Variants in RBFOX1 observed in about 807,000 individuals in gnomAD.
The protein encoded by RBFOX1 is RNA binding protein fox-1 homolog 1.
Under a neutral mutation model 57.7 loss-of-function variants are expected in RBFOX1, and 8 were observed. The ratio of observed to expected loss-of-function variants is 0.14; its 90% CI spans 0.08 to 0.25. The LOEUF is 0.25. Ranked by LOEUF, RBFOX1 falls within the 10% of genes least tolerant of loss-of-function variation. The pLI, the probability that RBFOX1 is intolerant of heterozygous loss-of-function variation, is 1.00. For synonymous variants in RBFOX1, 326 were observed against 222.4 expected (o/e 1.47, Z -4.15); for missense variants, 611 against 548.5 (o/e 1.11, Z -1.14).
In RBFOX1 at chr16:6,780,687, T is replaced by G. The variant is rs2080865971; in HGVS notation, c.-16+126037T>G. 2.0e-5 allele frequency among the ~76,000 whole-genome samples: 3 copies of G among 150,324 alleles called. No homozygotes were observed. The South Asian group carries it at 6.3e-4, about 31-fold the overall frequency. ...TATTGCCTGTTTTTTCAGAGAGCTA[T>G]TTTAACTGGGGTGAGATATTTCATT... On this transcript the variant is annotated intron_variant, in intron 3 of 15. Transcript: ENST00000550418.
At chr16:6,782,147 C>T (rs935689291) in intron 3 of RBFOX1, among the ~76,000 whole-genome samples, 2 of 152,128 alleles carry the variant, frequency 1.3e-5, no homozygotes, top group African/African-American at 2.4e-5. Flanking sequence ...GCTGGGACTA[C>T]GGGCATGCAC....
At chr16:7,299,447 A>C (rs1290424858) in intron 4 of RBFOX1, among the ~76,000 whole-genome samples, 2 of 152,094 alleles carry the variant, frequency 1.3e-5, no homozygotes, top group Non-Finnish European at 2.9e-5. Flanking sequence ...AAGCTAGAGG[A>C]GTTTGAGGGT....
At chr16:7,250,022 C>T (rs558436948) in intron 4 of RBFOX1, among the ~76,000 whole-genome samples, 1 of 152,112 alleles carries the variant, frequency 6.6e-6, no homozygotes, top group Admixed American at 6.5e-5. Context: ...AAAAATAGAA[C>T]CTATTTGTTT....
At chr16:5,349,319 T>C (rs1387443126) in intron 1 of RBFOX1, among the ~76,000 whole-genome samples, 1 of 152,206 alleles carries the variant, frequency 6.6e-6, no homozygotes, top group Non-Finnish European at 1.5e-5. Context: ...TTATGCAAGA[T>C]GCATATGTTG....
chr16:6,747,708 AATATGTCTTCTGGGCACC>A (rs2074043352), intron 3 of RBFOX1, among the ~76,000 whole-genome samples: 1 of 152,122 alleles, frequency 6.6e-6, no homozygotes. Flanking sequence ...CAAAAGCAGA[AATATGTCTTCTGGGCACC>A]ATCCGCTTCA....
chr16:5,919,885 T>G (rs1228672787), intron 4 of RBFOX1, among the ~76,000 whole-genome samples: 2 of 152,048 alleles, frequency 1.3e-5, no homozygotes, highest in African/African-American at 4.8e-5. Flanking sequence ...TCTCTCTGCC[T>G]TTTTTTTCAC....
chr16:7,629,298 C>T (rs919773445), intron 10 of RBFOX1, among the ~76,000 whole-genome samples: 9 of 152,146 alleles, frequency 5.9e-5, no homozygotes, highest in African/African-American at 1.4e-4. Context: ...GGACCCCACA[C>T]GCTTTGGAAG....
chr16:6,566,690 G>T (rs745488542), intron 2 of RBFOX1, among the ~76,000 whole-genome samples: 9 of 152,110 alleles, frequency 5.9e-5, no homozygotes, highest in African/African-American at 1.7e-4. Context: ...GGCTAAATCA[G>T]TATTCCATCC....
intron 4 of RBFOX1, among the ~76,000 whole-genome samples, chr16:5,896,023 T>A (rs1170324575): frequency 6.6e-6 from 1 of 152,104 alleles, no homozygotes; most frequent in Non-Finnish European, 1.5e-5. Context: ...TGTCTTACGT[T>A]GGGTACTTCA....
chr16:7,511,906 C>T (rs1417771226), intron 4 of RBFOX1, among the ~76,000 whole-genome samples: 2 of 152,148 alleles, frequency 1.3e-5, no homozygotes, highest in Non-Finnish European at 2.9e-5. Flanking sequence ...TTTCATCCTC[C>T]TTTTGTGTAT....
chr16:7,706,852 G>C (rs113013608), intron 14 of RBFOX1, among the ~76,000 whole-genome samples: 6 of 152,284 alleles, frequency 3.9e-5, no homozygotes, highest in African/African-American at 1.4e-4. Context: ...TGTACTTCTA[G>C]TTAAGTGGGT....
intron 4 of RBFOX1, among the ~76,000 whole-genome samples, chr16:7,499,933 C>T (rs987558007): frequency 1.3e-5 from 2 of 152,044 alleles, no homozygotes; most frequent in African/African-American, 4.8e-5. Flanking sequence ...TGCTTCTTCC[C>T]TCTGATTTAC....
chr16:7,665,105 T>C (rs2068839155), intron 13 of RBFOX1, 137 bp downstream of exon 13: 4 of 1,557,624 alleles, frequency 2.6e-6, no homozygotes, highest in Non-Finnish European at 3.5e-6. Flanking sequence ...GTGGTTTGTC[T>C]TGCAGGACAG....
intron 2 of RBFOX1, among the ~76,000 whole-genome samples, chr16:6,348,890 C>T (rs1002319333): frequency 6.6e-6 from 1 of 152,106 alleles, no homozygotes; most frequent in Non-Finnish European, 1.5e-5. Flanking sequence ...GATGGCAACC[C>T]AGGAAAAGCA....
At chr16:7,088,800 T>C (rs2060370777) in intron 4 of RBFOX1, among the ~76,000 whole-genome samples, 1 of 152,180 alleles carries the variant, frequency 6.6e-6, no homozygotes, top group South Asian at 2.1e-4. Flanking sequence ...AGGTGTTCCC[T>C]GCTTTGCCAA....
intron 4 of RBFOX1, among the ~76,000 whole-genome samples, chr16:5,965,417 A>G (rs142971452): frequency 6.6e-6 from 1 of 152,274 alleles, no homozygotes; most frequent in East Asian, 1.9e-4. Context: ...TCTTAAATAT[A>G]TACGATTTTT....
chr16:7,306,875 G>T (rs1000104810), intron 4 of RBFOX1, among the ~76,000 whole-genome samples: 1 of 152,104 alleles, frequency 6.6e-6, no homozygotes, highest in Non-Finnish European at 1.5e-5. Context: ...ATATCGATAA[G>T]TAATATCTTG....
chr16:7,394,528 A>T (rs867931303), intron 4 of RBFOX1, among the ~76,000 whole-genome samples: 1 of 152,132 alleles, frequency 6.6e-6, no homozygotes, highest in Non-Finnish European at 1.5e-5. Flanking sequence ...CAGTGAAACC[A>T]ACCTGTACTT....
At position 6,720,619 on chromosome 16, in the gene RBFOX1, T is replaced by A. The variant is rs113451716; in HGVS notation, c.-16+65969T>A. 3.5e-3 allele frequency among the ~76,000 whole-genome samples: 531 copies of A among 151,862 alleles called. 4 individuals carry two copies. Among genetic ancestry groups the A allele is most frequent in the African/African-American group, 0.012 (479 of 41,318 alleles). Reference sequence around the variant, plus strand: ...AAGTGAGAGGGGTGCTGCTGGAGAATAGTTGGGGAGAAAGAGACGTGTCGG... The same window carrying A: ...AAGTGAGAGGGGTGCTGCTGGAGAAAAGTTGGGGAGAAAGAGACGTGTCGG... On this transcript the variant is annotated intron_variant, in intron 3 of 15. Transcript: ENST00000550418.
Sources: allele counts gnomAD v4.1 joint callset (sites outside exome capture counted in the v4.1 genomes callset), GRCh38; gene constraint gnomAD v4.1.1; transcripts MANE v1.5; gene names NCBI Gene and HGNC (gene_info 2026-07-23, HGNC 2026-07-21).